CCDC181: variants seen among roughly 807,000 people sequenced by gnomAD.
CCDC181 encodes the protein coiled-coil domain-containing protein 181.
In CCDC181, 35 loss-of-function variants were observed where a neutral mutation model predicts 58.7. The observed-to-expected ratio is 0.60, with a 90% CI of 0.46 to 0.79. The LOEUF is 0.79. Ranked by LOEUF, CCDC181 falls within the 30% of genes least tolerant of loss-of-function variation. The pLI, the probability that CCDC181 is intolerant of heterozygous loss-of-function variation, is 0.00. For synonymous variants in CCDC181, 183 were observed against 197.5 expected (o/e 0.93, Z 0.62); for missense variants, 517 against 583.9 (o/e 0.89, Z 1.18).
At chr1:169,418,956 A>G (rs774857443) in intron 4 of CCDC181, 57 bp downstream of exon 4, 31 of 1,425,836 alleles carry the variant, frequency 2.2e-5, no homozygotes, top group Non-Finnish European at 1.7e-5. Context: ...TCCCTTCTAT[A>G]AATAAGTTCA....
chr1:169,444,759 A>T (rs1657327541), intron 2 of CCDC181, among the ~76,000 whole-genome samples: 1 of 152,148 alleles, frequency 6.6e-6, no homozygotes, highest in Admixed American at 6.5e-5. Context: ...TTCTTAAGCT[A>T]ATTACAAAAC....
intron 4 of CCDC181, among the ~76,000 whole-genome samples, chr1:169,411,002 C>T (rs1655933873): frequency 6.6e-6 from 1 of 152,026 alleles, no homozygotes; most frequent in Admixed American, 6.6e-5. Context: ...AGAGCAAACA[C>T]ATTCAAAAGC....
At chr1:169,439,063 C>G (rs1458855699) in intron 2 of CCDC181, among the ~76,000 whole-genome samples, 1 of 152,148 alleles carries the variant, frequency 6.6e-6, no homozygotes. Context: ...CCCCCAGGAG[C>G]TGAACTGAGA....
chr1:169,435,519 A>G (rs1657035735), intron 2 of CCDC181, among the ~76,000 whole-genome samples: 2 of 152,152 alleles, frequency 1.3e-5, no homozygotes, highest in South Asian at 4.1e-4. Context: ...CATATCTCCT[A>G]TGTTTAACTA....
upstream of CCDC181, among the ~76,000 whole-genome samples, chr1:169,428,889 A>C (rs1191392945): frequency 6.6e-6 from 1 of 152,206 alleles, no homozygotes; most frequent in Non-Finnish European, 1.5e-5. Flanking sequence ...AACTGAGCTC[A>C]GGCAGTCTGC....
At chr1:169,408,648 T>C (rs906688088) in intron 4 of CCDC181, among the ~76,000 whole-genome samples, 2 of 151,956 alleles carry the variant, frequency 1.3e-5, no homozygotes, top group African/African-American at 4.8e-5. Context: ...ACAGGAGAGC[T>C]CTGGAGAGTG....
rs1656349009 is a variant in CCDC181 at position 169,419,106 on chromosome 1, T to C, written c.1122A>G (p.Ile374Met). Residue 374 changes from isoleucine (I) to methionine (M), a missense_variant, in exon 4 of 6, where the codon ATA becomes ATG. Ile to Met is a conservative substitution (Grantham distance 10). Coordinates refer to ENST00000367806, the MANE Select transcript of CCDC181 (RefSeq NM_001300969.2). ...EEKEKKREND[I>M]VFKAWLQKKR... ...TCTTTTGCAACCACGCTTTAAATAC[T>C]ATGTCATTCTCTCTCTTTTTTTCTT... The C allele has an allele frequency of 6.2e-7, 1 of 1,612,266 alleles. No individual in the cohort carries two copies. The highest frequency in any genetic ancestry group is 8.5e-7 in the Non-Finnish European group (1 of 1,179,750).
chr1:169,449,885 G>C (rs966603198), intron 2 of CCDC181, among the ~76,000 whole-genome samples: 7 of 152,078 alleles, frequency 4.6e-5, no homozygotes, highest in African/African-American at 1.7e-4. Context: ...GATACACCTA[G>C]GATCAATACT....
At chr1:169,401,789 G>T (rs887607580) in intron 4 of CCDC181, among the ~76,000 whole-genome samples, 1 of 152,206 alleles carries the variant, frequency 6.6e-6, no homozygotes, top group Non-Finnish European at 1.5e-5. Context: ...GAACAAAGCT[G>T]GATGGAGAAT....
In CCDC181 at chr1:169,421,422, G is replaced by T; in HGVS notation, c.1009C>A (p.Pro337Thr). The change falls in exon 3 of 6, where the codon CCT becomes ACT. Residue 337 changes from proline (P) to threonine (T), a missense_variant. By Grantham distance (38) the Pro-to-Thr change is conservative (BLOSUM62 -1). Coordinates refer to ENST00000367806, the MANE Select transcript of CCDC181 (RefSeq NM_001300969.2). ...SPVTSTYCLS[P>T]RQKELQKQLE... ...TGTTTTTGTAGTTCTTTCTGTCGAG[G>T]GGAAAGACAGTATGTTGAAGTCACT... 6.2e-7 allele frequency: 1 copy of T among 1,613,666 alleles called. No individual in the cohort carries two copies. Among genetic ancestry groups the T allele is most frequent in the Non-Finnish European group, 8.5e-7 (1 of 1,179,942 alleles).
At chr1:169,436,000 C>G (rs1382996785) in intron 2 of CCDC181, among the ~76,000 whole-genome samples, 1 of 152,132 alleles carries the variant, frequency 6.6e-6, no homozygotes, top group Non-Finnish European at 1.5e-5. Context: ...TAAAACCAAG[C>G]TGTAAACAAA....
At chr1:169,440,407 T>A (rs1201014517) in intron 2 of CCDC181, among the ~76,000 whole-genome samples, 1 of 152,154 alleles carries the variant, frequency 6.6e-6, no homozygotes, top group Non-Finnish European at 1.5e-5. Flanking sequence ...AGAATTCCAA[T>A]AGAGAAAGAG....
chr1:169,397,966 C>T (rs981877358), intron 4 of CCDC181, among the ~76,000 whole-genome samples: 3 of 152,178 alleles, frequency 2.0e-5, no homozygotes, highest in African/African-American at 7.2e-5. Flanking sequence ...GCATTTCCCT[C>T]ATCTGTTGCC....
chr1:169,405,247 G>C (rs1308899456), intron 4 of CCDC181, among the ~76,000 whole-genome samples: 1 of 152,196 alleles, frequency 6.6e-6, no homozygotes, highest in African/African-American at 2.4e-5. Flanking sequence ...GTAATTTATA[G>C]ATTCAATGCC....
chr1:169,441,650 AG>A (rs1657231795), intron 2 of CCDC181, among the ~76,000 whole-genome samples: 1 of 152,014 alleles, frequency 6.6e-6, no homozygotes, highest in Admixed American at 6.6e-5. Context: ...AGCAAGAAGT[AG>A]GTACATGAAG....
chr1:169,440,456 T>C (rs79319684), intron 2 of CCDC181, among the ~76,000 whole-genome samples: 2,209 of 152,330 alleles, frequency 0.015, 58 homozygotes, highest in African/African-American at 0.05. Context: ...GACTGGAGTT[T>C]TATTATCACT....
rs1341177374 is a variant in CCDC181 at position 169,419,523 on chromosome 1, C to T, written c.1069-364G>A. Among the ~76,000 whole-genome samples the T allele has an allele frequency of 2.0e-5, 3 of 152,112 alleles. No homozygotes were observed. The East Asian group carries it at 5.8e-4, about 29-fold the overall frequency. ...CTTACATTTTGACAATATAGCAAGA[C>T]TTTCTAATTCCTTTTGATTGAACAG... is the stretch of plus-strand genomic sequence containing the variant. On this transcript the variant is annotated intron_variant, in intron 3 of 5. Transcript: ENST00000367806.
chr1:169,434,888 A>C (rs1433057274), intron 2 of CCDC181, among the ~76,000 whole-genome samples: 1 of 152,102 alleles, frequency 6.6e-6, no homozygotes, highest in Non-Finnish European at 1.5e-5. Context: ...TGCCCAGAAC[A>C]GTCAAAATCT....
chr1:169,407,393 A>G (rs1655723480), intron 4 of CCDC181, among the ~76,000 whole-genome samples: 1 of 151,758 alleles, frequency 6.6e-6, no homozygotes. Flanking sequence ...AAGTAAAAGG[A>G]AAAAAAAATT....
Sources: allele counts gnomAD v4.1 joint callset (sites outside exome capture counted in the v4.1 genomes callset), GRCh38; gene constraint gnomAD v4.1.1; transcripts MANE v1.5; gene names NCBI Gene and HGNC (gene_info 2026-07-23, HGNC 2026-07-21).